MYH1: variants seen among roughly 807,000 people sequenced by gnomAD.
The protein encoded by MYH1 is myosin heavy chain 1.
A neutral mutation model predicts 225.6 loss-of-function variants in MYH1; 214 were observed. The ratio of observed to expected loss-of-function variants is 0.95; its 90% CI spans 0.85 to 1.06. The LOEUF is 1.06. Among genes scored for constraint, MYH1 ranks in the 50% least tolerant of loss-of-function variants. The pLI is 0.00. For synonymous variants in MYH1, 774 were observed against 842.3 expected (o/e 0.92, Z 1.40); for missense variants, 2,098 against 2,344.2 (o/e 0.89, Z 2.17).
Position 10,503,284 on chromosome 17 carries a change from A to G in MYH1, c.2692-36T>C, listed in dbSNP as rs1184707135. On this transcript the variant is annotated intron_variant, in intron 22 of 39. Coordinates refer to ENST00000226207, the MANE Select transcript of MYH1 (RefSeq NM_005963.4). Reference sequence around the variant, plus strand: ...GCAATAGATATTTTAGATTTTATGAAAATTCCTAGACATTTTCAGATTTTA... The same window carrying G: ...GCAATAGATATTTTAGATTTTATGAGAATTCCTAGACATTTTCAGATTTTA... The G allele has an allele frequency of 1.9e-6, 3 of 1,599,814 alleles. No individual in the cohort carries two copies. In the South Asian group the frequency reaches 3.4e-5, roughly 18 times the overall value.
At chr17:10,511,150 G>T (rs2073167131) in intron 14 of MYH1, among the ~76,000 whole-genome samples, 1 of 151,540 alleles carries the variant, frequency 6.6e-6, no homozygotes, top group South Asian at 2.1e-4. Context: ...ACAGATAAAA[G>T]TTTAGAATTG....
chr17:10,494,231 CT>C, intron 39 of MYH1, 122 bp downstream of exon 39: 1 of 932,772 alleles, frequency 1.1e-6, no homozygotes, highest in Non-Finnish European at 1.6e-6. Flanking sequence ...AGCCTTGGAC[CT>C]CCATGTAGCC....
intron 39 of MYH1, 34 bp downstream of exon 39, chr17:10,494,320 T>C: frequency 6.3e-7 from 1 of 1,585,972 alleles, no homozygotes; most frequent in Non-Finnish European, 8.6e-7. Flanking sequence ...TGGTCATGTC[T>C]GAGAAAAATC....
chr17:10,516,313 G>A lies in MYH1; in HGVS notation c.234C>T (p.Phe78=), dbSNP rs757857124. ...ATVTVKDDQV[F]PMNPPKYDKI... ...TGTCATATTTGGGAGGGTTCATGGGGAAGACTTGGTCATCTTTCACTGTTA... is the reference window on the plus strand; with the variant it reads ...TGTCATATTTGGGAGGGTTCATGGGAAAGACTTGGTCATCTTTCACTGTTA... The change falls in exon 4 of 40, where the codon TTC becomes TTT. Residue 78 remains phenylalanine, a synonymous_variant. Transcript: ENST00000226207. 6.7e-5 allele frequency: 108 copies of A among 1,614,056 alleles called. No individual in the cohort carries two copies. Among genetic ancestry groups the A allele is most frequent in the Non-Finnish European group, 8.7e-5 (103 of 1,180,052 alleles).
rs1457247111 is a variant in MYH1 at position 10,496,431 on chromosome 17, C to T, written c.4775G>A (p.Arg1592Lys). 2 of 1,614,042 alleles carry T rather than the reference C, an allele frequency of 1.2e-6. No homozygotes were observed. Among genetic ancestry groups the T allele is most frequent in the South Asian group, 1.1e-5 (1 of 91,062 alleles). Residue 1592 changes from arginine to lysine, a missense_variant, in exon 34 of 40, where the codon AGA (arginine) becomes AAA (lysine). Physicochemically the swap from Arg to Lys is conservative, Grantham distance 26. Transcript: ENST00000226207. ...EKDEEIDQMK[R>K]NHIRIVESMQ... is the part of the protein sequence containing the mutation. ...GGACTCCACGATTCTAATGTGGTTT[C>T]TCTTCATCTGGTCAATTTCCTCATC...
intron 39 of MYH1, among the ~76,000 whole-genome samples, chr17:10,493,207 A>C (rs1456554366): frequency 2.0e-5 from 3 of 152,194 alleles, no homozygotes; most frequent in Non-Finnish European, 4.4e-5. Context: ...GTATAGCTTG[A>C]GAAAAAACCT....
chr17:10,497,324 T>C lies in MYH1; in HGVS notation c.4494A>G (p.Gln1498=), dbSNP rs868847543. Residue 1498 remains glutamine (Q), a synonymous_variant, in exon 32 of 40, where the codon CAA becomes CAG. Transcript: ENST00000226207. ...TATTTTCCCGTTTCAAGGTTTCAAG[T>C]TGGTCTAAAGATTCCTCATAAGCAT... The part of the protein sequence containing the change: ...IKNAYEESLD[Q]LETLKRENKN... 10 of 1,609,820 alleles carry C rather than the reference T, an allele frequency of 6.2e-6. No homozygotes were observed. The highest frequency in any genetic ancestry group is 7.6e-6 in the Non-Finnish European group (9 of 1,179,084).
rs776756469 is a variant in MYH1 at position 10,509,644 on chromosome 17, C to A, written c.1428G>T (p.Leu476=). ...AGFEIFDFNS[L]EQLCINFTNE... is the part of the protein sequence containing the mutation. ...TGGTGAAGTTGATGCACAGCTGCTC[C>A]AGGCTGTTGAACTAAATGAGTTGAA... Residue 476 remains leucine (L), a synonymous_variant, in exon 15 of 40, where the codon CTG becomes CTT. Transcript: ENST00000226207. 1 of 1,614,210 alleles carries A rather than the reference C, an allele frequency of 6.2e-7. No homozygotes were observed. Among genetic ancestry groups the A allele is most frequent in the South Asian group, 1.1e-5 (1 of 91,082 alleles).
chr17:10,515,814 G>A (rs900575363), intron 5 of MYH1, 112 bp downstream of exon 5: 7 of 1,560,128 alleles, frequency 4.5e-6, no homozygotes, highest in Non-Finnish European at 6.1e-6. Flanking sequence ...CACCTCTGCT[G>A]AACAACCAGG....
At chr17:10,513,978 G>C (rs1459649889) in intron 7 of MYH1, 32 bp downstream of exon 7, 20 of 1,613,904 alleles carry the variant, frequency 1.2e-5, no homozygotes, top group Admixed American at 1.7e-5. Flanking sequence ...AGTCCCGACA[G>C]AGCCTGGATT....
At chr17:10,516,110 G>T in intron 4 of MYH1, 28 bp from the exon 5 acceptor site, 3 of 1,613,532 alleles carry the variant, frequency 1.9e-6, no homozygotes, top group Non-Finnish European at 2.5e-6. Flanking sequence ...GGGAGGAACA[G>T]AATTATTTGA....
chr17:10,498,829 A>G lies in MYH1; in HGVS notation c.3985-7T>C. 2 of 1,613,934 alleles carry G rather than the reference A, an allele frequency of 1.2e-6. No homozygotes were observed. The highest frequency in any genetic ancestry group is 1.7e-6 in the Non-Finnish European group (2 of 1,179,932). ...GTGCCAGGGCACTCTTGGCCTGAGAACATAGAGATTGATGACTTAATTTTA... is the reference window on the plus strand; with the variant it reads ...GTGCCAGGGCACTCTTGGCCTGAGAGCATAGAGATTGATGACTTAATTTTA... On this transcript the variant is annotated splice_region_variant and splice_polypyrimidine_tract_variant and intron_variant, in intron 29 of 39. Coordinates refer to ENST00000226207, the MANE Select transcript of MYH1 (RefSeq NM_005963.4).
intron 22 of MYH1, 100 bp downstream of exon 22, chr17:10,504,710 A>G (rs2073091472): frequency 2.2e-6 from 3 of 1,348,592 alleles, no homozygotes; most frequent in Non-Finnish European, 3.1e-6. Context: ...TTAAAGATTC[A>G]TAATCTGTCC....
intron 9 of MYH1, 122 bp downstream of exon 9, chr17:10,513,504 A>G (rs1437731784): frequency 2.1e-6 from 2 of 964,604 alleles, no homozygotes; most frequent in African/African-American, 1.6e-5. Flanking sequence ...GACATTAACC[A>G]CAAGCATGTT....
Position 10,507,964 on chromosome 17 carries a change from G to T in MYH1, c.1898-8C>A, listed in dbSNP as rs768357178. 5.0e-6 allele frequency: 8 copies of T among 1,605,524 alleles called. No individual in the cohort carries two copies. The highest frequency in any genetic ancestry group is 1.3e-5 in the African/African-American group (1 of 74,218). ...TCTTTCCACCGCCAGCCTCTGAGGG[G>T]AAAAAGAAAGCAATCATAGGACAGC... On this transcript the variant is annotated splice_polypyrimidine_tract_variant and splice_region_variant and intron_variant, in intron 16 of 39. Coordinates refer to ENST00000226207, the MANE Select transcript of MYH1 (RefSeq NM_005963.4).
In MYH1 at chr17:10,497,374, T is replaced by G. The variant is rs1476411220; in HGVS notation, c.4444A>C (p.Ser1482Arg). The G allele has an allele frequency of 1.9e-6, 3 of 1,613,782 alleles. No homozygotes were observed. In the East Asian group the frequency reaches 6.7e-5, roughly 36 times the overall value. ...EASQKESRSL[S>R]TELFKIKNAY... ...TTCTTAATCTTAAATAGTTCTGTGC[T>G]GAGTGAGCGGGATTCCTTTTGAGAA... is the stretch of plus-strand genomic sequence containing the variant. The change falls in exon 32 of 40, where the codon AGC (serine) becomes CGC (arginine). Residue 1482 changes from serine (S) to arginine (R), a missense_variant. Coordinates refer to ENST00000226207, the MANE Select transcript of MYH1 (RefSeq NM_005963.4).
In MYH1 at chr17:10,501,685, C is replaced by T. The variant is rs1336068017; in HGVS notation, c.3258-1G>A. The T allele has an allele frequency of 1.7e-5, 27 of 1,614,052 alleles. No homozygotes were observed. Among genetic ancestry groups the T allele is most frequent in the Non-Finnish European group, 2.1e-5 (25 of 1,180,040 alleles). ...CAGACCGCTCATTTCAAACTCTTTC[C>T]TATTAGAAAAGCCCTTTATGTCAGT... On this transcript the variant is annotated splice_acceptor_variant, in intron 25 of 39. Transcript: ENST00000226207. LOFTEE classifies it high-confidence loss of function.
intron 3 of MYH1, 23 bp downstream of exon 3, chr17:10,516,416 C>T: frequency 6.2e-7 from 1 of 1,614,186 alleles, no homozygotes; most frequent in South Asian, 1.1e-5. Context: ...AGAGTCTAAT[C>T]AGCTCCAGGT....
At position 10,517,383 on chromosome 17, in the gene MYH1, C is replaced by CA. The variant is rs1311832570; in HGVS notation, c.-40-702dup. On this transcript the variant is annotated intron_variant, in intron 2 of 39. Coordinates refer to ENST00000226207, the MANE Select transcript of MYH1 (RefSeq NM_005963.4). ...ATAATTTTGACAAACTCAACTTCTTCACTGATCTTTAGCATTTCTTAAATA... is the reference window on the plus strand; with the variant it reads ...ATAATTTTGACAAACTCAACTTCTTCAACTGATCTTTAGCATTTCTTAAATA... 5.9e-5 allele frequency among the ~76,000 whole-genome samples: 9 copies of CA among 152,292 alleles called. No homozygotes were observed. In the South Asian group the frequency reaches 1.9e-3, roughly 32 times the overall value.
Sources: allele counts gnomAD v4.1 joint callset (sites outside exome capture counted in the v4.1 genomes callset), GRCh38; gene constraint gnomAD v4.1.1; transcripts MANE v1.5; gene names NCBI Gene and HGNC (gene_info 2026-07-23, HGNC 2026-07-21).